RAP1GAP: variants seen among roughly 807,000 people sequenced by gnomAD.
RAP1GAP encodes rap1 GTPase-activating protein 1.
Under a neutral mutation model 87.2 loss-of-function variants are expected in RAP1GAP, and 35 were observed. The observed-to-expected ratio is 0.40, with a 90% CI of 0.31 to 0.53. The LOEUF (loss-of-function observed/expected upper bound fraction) is 0.53. Ranked by LOEUF, RAP1GAP falls within the 20% of genes least tolerant of loss-of-function variation. RAP1GAP has a pLI of 0.48. For synonymous variants in RAP1GAP, 375 were observed against 363.9 expected (o/e 1.03, Z -0.35); for missense variants, 734 against 898.9 (o/e 0.82, Z 2.35).
chr1:21,613,481 G>A lies in RAP1GAP; in HGVS notation c.474+147C>T, dbSNP rs913454661. ...AACACGTGGCAGCCCAAGACACGATGGGAACAAGTGAGAGACAGCCTCAGG... is the reference window on the plus strand; with the variant it reads ...AACACGTGGCAGCCCAAGACACGATAGGAACAAGTGAGAGACAGCCTCAGG... On this transcript the variant is annotated intron_variant, in intron 9 of 24. Coordinates refer to ENST00000374765, the MANE Select transcript of RAP1GAP (RefSeq NM_002885.4). This position sits in a 1 kb window ranked among gnomAD's most constrained non-coding sequence, Gnocchi z 4.7. 1.2e-6 allele frequency: 1 copy of A among 830,498 alleles called. No homozygotes were observed. The allele number at this position is 830,498 out of a possible 1,614,324, so 51.4% of individuals were successfully genotyped here. A position where few individuals can be genotyped will look rare whatever the true frequency, so the allele number is the denominator to read the frequency against.
chr1:21,616,450 C>CT (rs1309688108), intron 7 of RAP1GAP, among the ~76,000 whole-genome samples: 1 of 152,236 alleles, frequency 6.6e-6, no homozygotes, highest in Non-Finnish European at 1.5e-5. Context: ...TTTATTATCC[C>CT]TGTTTTCACC....
Position 21,627,081 on chromosome 1 carries a change from G to A in RAP1GAP, c.-112-684C>T, listed in dbSNP as rs544133626. The A allele has an allele frequency of 2.3e-4, 103 of 442,770 alleles. 4 individuals are homozygous for A. The highest frequency in any genetic ancestry group is 1.6e-3 in the South Asian group (100 of 62,592). The allele number at this position is 442,770 out of a possible 1,614,324, so 27.4% of individuals were successfully genotyped here. ...CCTGAGGAAAGAAAGCAGGTCTGGC[G>A]AGGGTGAAGTCAGCTCCTATCACCC... is the stretch of plus-strand genomic sequence containing the variant. On this transcript the variant is annotated intron_variant, in intron 2 of 24. Transcript: ENST00000374765.
chr1:21,650,983 A>G (rs961402678), intron 1 of RAP1GAP, among the ~76,000 whole-genome samples: 2 of 152,088 alleles, frequency 1.3e-5, no homozygotes, highest in Admixed American at 1.3e-4. Flanking sequence ...GGTCCCTATG[A>G]CCACTGGGAG....
intron 1 of RAP1GAP, chr1:21,651,827 C>T (rs1379053842): frequency 4.2e-6 from 5 of 1,199,592 alleles, no homozygotes; most frequent in South Asian, 3.0e-5. Flanking sequence ...GCTCATGGTG[C>T]CGCCGCCGCC....
In RAP1GAP at chr1:21,596,438, T is replaced by C. The variant is rs1645245075; in HGVS notation, c.*861A>G. 1 of 152,252 alleles carries C rather than the reference T, an allele frequency of 6.6e-6. No homozygotes were observed. The allele number at this position is 152,252 out of a possible 1,614,324, so 9.4% of individuals were successfully genotyped here. ...GCCTGGACTCTCGGCCAGCTGAGAC[T>C]CTTGGCCTGGAGGGCCCAGCATGGG... On this transcript the variant is annotated 3_prime_UTR_variant, in exon 25 of 25. Coordinates refer to ENST00000374765, the MANE Select transcript of RAP1GAP (RefSeq NM_002885.4).
intron 1 of RAP1GAP, among the ~76,000 whole-genome samples, chr1:21,660,353 T>TATATATATATAGAGAGAGAGAGAGAGAGA: frequency 7.5e-5 from 2 of 26,820 alleles, no homozygotes; most frequent in African/African-American, 2.2e-4. Flanking sequence ...ATATATTTAT[T>TATATATATATAGAGAGAGAGAGAGAGAGA]GAGACAGTCT....
At position 21,603,927 on chromosome 1, in the gene RAP1GAP, A is replaced by AG. The variant is rs1392256039; in HGVS notation, c.1429-1015dup. 3 of 1,517,354 alleles carry AG rather than the reference A, an allele frequency of 2.0e-6. No individual in the cohort carries two copies. The allele number at this position is 1,517,354 out of a possible 1,614,324, so 94.0% of individuals were successfully genotyped here. A position where few individuals can be genotyped will look rare whatever the true frequency, so the allele number is the denominator to read the frequency against. ...ATAAGCAATGACTGGCAAGCAGCAG[A>AG]GGGCGGGGGCAGAGAGAGAGAGACA... On this transcript the variant is annotated intron_variant, in intron 18 of 24. Transcript: ENST00000374765. The surrounding 1 kb of genome is among the most constrained non-coding windows in gnomAD (Gnocchi z 6.0).
chr1:21,601,762 C>G lies in RAP1GAP; in HGVS notation c.1574G>C (p.Ser525Thr). ...CTTGGGCTCCTGTGAGACGTGCCCG[C>G]TGTCTGGGGTCTTCTGACCAGCCGG... is the stretch of plus-strand genomic sequence containing the variant. The part of the protein sequence containing the change: ...SPPAGQKTPD[S>T]GHVSQEPKSE... The change falls in exon 20 of 25, where the codon AGC (serine) becomes ACC (threonine). Residue 525 changes from serine to threonine, a missense_variant. By Grantham distance (58) the Ser-to-Thr change is moderately conservative. This residue lies in a region of RAP1GAP where 249 missense variants were observed against 252.7 expected (regional missense o/e 0.99). Transcript: ENST00000374765. The G allele has an allele frequency of 6.2e-7, 1 of 1,611,368 alleles. No homozygotes were observed. The highest frequency in any genetic ancestry group is 8.5e-7 in the Non-Finnish European group (1 of 1,178,510).
intron 2 of RAP1GAP, among the ~76,000 whole-genome samples, chr1:21,648,746 G>A (rs2096303623): frequency 6.6e-6 from 1 of 152,188 alleles, no homozygotes; most frequent in Admixed American, 6.5e-5. Flanking sequence ...GGGCTCAAAT[G>A]GACTAGGCAC....
chr1:21,624,965 G>A (rs1459240164), intron 3 of RAP1GAP, among the ~76,000 whole-genome samples: 1 of 152,112 alleles, frequency 6.6e-6, no homozygotes, highest in Non-Finnish European at 1.5e-5. Flanking sequence ...AGGGGAAGAG[G>A]GACTGGGAGC....
chr1:21,649,819 A>C, intron 1 of RAP1GAP, 23 bp from the exon 2 acceptor site: 1 of 1,551,284 alleles, frequency 6.4e-7, no homozygotes, highest in Non-Finnish European at 8.7e-7. Context: ...AAGAGGGGCC[A>C]TAGGTGAGGG....
intron 2 of RAP1GAP, among the ~76,000 whole-genome samples, chr1:21,643,640 C>T (rs1002013662): frequency 6.6e-6 from 1 of 152,098 alleles, no homozygotes; most frequent in African/African-American, 2.4e-5. Flanking sequence ...CACGACAGTG[C>T]CTAAAATTCT....
intron 2 of RAP1GAP, among the ~76,000 whole-genome samples, chr1:21,635,611 C>T (rs2094555256): frequency 6.6e-6 from 1 of 152,222 alleles, no homozygotes; most frequent in African/African-American, 2.4e-5. Flanking sequence ...TTTCCTCCCG[C>T]TCTGCACCAG....
At chr1:21,638,320 G>A (rs1376629660) in intron 2 of RAP1GAP, among the ~76,000 whole-genome samples, 1 of 151,996 alleles carries the variant, frequency 6.6e-6, no homozygotes, top group Non-Finnish European at 1.5e-5. Context: ...AGCCGGACAT[G>A]GTAGCGCATG....
rs1029393234 is a variant in RAP1GAP, at chr1:21,603,552, G to A, written c.1429-639C>T. ...GATATTGGGGGACGTGCGGCTGGGT[G>A]TAGGGCCTTTGGGTACCGGATCCTG... On this transcript the variant is annotated intron_variant, in intron 18 of 24. Coordinates refer to ENST00000374765, the MANE Select transcript of RAP1GAP (RefSeq NM_002885.4). The surrounding 1 kb of genome is among the most constrained non-coding windows in gnomAD (Gnocchi z 6.0). 3 of 623,594 alleles carry A rather than the reference G, an allele frequency of 4.8e-6. No individual in the cohort carries two copies. The African/African-American group carries it at 5.5e-5, about 11-fold the overall frequency. 38.6% of individuals were successfully genotyped at this position (623,594 alleles called of 1,614,324 possible). A position where few individuals can be genotyped will look rare whatever the true frequency, so the allele number is the denominator to read the frequency against.
chr1:21,639,065 T>C (rs145255114), intron 2 of RAP1GAP, among the ~76,000 whole-genome samples: 25 of 152,366 alleles, frequency 1.6e-4, no homozygotes, highest in Middle Eastern at 3.4e-3. Flanking sequence ...GCCCTGTGAC[T>C]TCAGCTGTCA....
chr1:21,636,872 A>G (rs978407438), intron 2 of RAP1GAP, among the ~76,000 whole-genome samples: 1 of 141,914 alleles, frequency 7.0e-6, no homozygotes, highest in Non-Finnish European at 1.5e-5. Flanking sequence ...AGGAGGAGGG[A>G]AAAGGAAGGA....
chr1:21,614,771 G>A (rs2080926486), intron 7 of RAP1GAP, among the ~76,000 whole-genome samples: 1 of 152,134 alleles, frequency 6.6e-6, no homozygotes, highest in Non-Finnish European at 1.5e-5. Context: ...CCAAAGCCGA[G>A]GGCTGGAAGT....
intron 21 of RAP1GAP, 95 bp downstream of exon 21, chr1:21,599,399 C>T (rs960938509): frequency 2.3e-5 from 34 of 1,500,892 alleles, no homozygotes; most frequent in African/African-American, 1.3e-4. Context: ...ATCTCAGCCA[C>T]GCCCAGGCTC....
Sources: allele counts gnomAD v4.1 joint callset (sites outside exome capture counted in the v4.1 genomes callset), GRCh38; gene constraint gnomAD v4.1.1; regional missense constraint gnomAD v4.1.1; non-coding constraint Gnocchi (gnomAD v3.1); transcripts MANE v1.5; gene names NCBI Gene and HGNC (gene_info 2026-07-23, HGNC 2026-07-21).